The following SPAG16 variants were observed in gnomAD, a reference collection of about 807,000 sequenced individuals.
The protein encoded by SPAG16 is sperm-associated antigen 16 protein.
In SPAG16, 86 loss-of-function variants were observed where a neutral mutation model predicts 80.4. The observed-to-expected ratio is 1.07, with a 90% CI of 0.90 to 1.28. The LOEUF (loss-of-function observed/expected upper bound fraction) is 1.28. Ranked by LOEUF, SPAG16 falls within the 50% of genes most tolerant of loss-of-function variation. The pLI, the probability that SPAG16 is intolerant of heterozygous loss-of-function variation, is 0.00. For synonymous variants in SPAG16, 294 were observed against 265.9 expected, an observed-to-expected ratio of 1.11 and a Z score of -1.03; for missense variants, 870 against 765.3, an observed-to-expected ratio of 1.14 and a Z score of -1.61.
intron 6 of SPAG16, among the ~76,000 whole-genome samples, chr2:213,344,270 C>G (rs1374004285): frequency 6.6e-6 from 1 of 152,114 alleles, no homozygotes; most frequent in African/African-American, 2.4e-5. Flanking sequence ...AGTGCTTCCT[C>G]TACTGTCTGC....
chr2:213,769,012 G>T lies in SPAG16; in HGVS notation c.1071-93473G>T, dbSNP rs2069101870. 2.6e-5 allele frequency among the ~76,000 whole-genome samples: 4 copies of T among 152,062 alleles called. No individual in the cohort carries two copies. In the South Asian group the frequency reaches 8.3e-4, roughly 32 times the overall value. ...CCAGGAAAGAGATGGTTGGTTATGAGAAAGAATTAGTTGATGATATTATAA... is the reference window on the plus strand; with the variant it reads ...CCAGGAAAGAGATGGTTGGTTATGATAAAGAATTAGTTGATGATATTATAA... On this transcript the variant is annotated intron_variant, in intron 10 of 15. Transcript: ENST00000331683.
intron 10 of SPAG16, among the ~76,000 whole-genome samples, chr2:213,623,220 T>C (rs2061846683): frequency 6.6e-6 from 1 of 152,196 alleles, no homozygotes; most frequent in Non-Finnish European, 1.5e-5. Context: ...GCTGCTGGTA[T>C]TTAACACATA....
intron 9 of SPAG16, among the ~76,000 whole-genome samples, chr2:213,431,403 TA>T (rs527510290): frequency 3.0e-4 from 43 of 145,586 alleles, no homozygotes; most frequent in Non-Finnish European, 3.9e-4. Context: ...TGCTTACTGG[TA>T]AAAAAAAAAG....
intron 10 of SPAG16, among the ~76,000 whole-genome samples, chr2:213,601,771 G>A (rs1429139767): frequency 1.3e-5 from 2 of 152,156 alleles, no homozygotes; most frequent in African/African-American, 4.8e-5. Flanking sequence ...ATTGCCTATA[G>A]CATTCAGTAC....
At chr2:214,384,374 A>G (rs1194953269) in intron 15 of SPAG16, among the ~76,000 whole-genome samples, 2 of 152,214 alleles carry the variant, frequency 1.3e-5, no homozygotes, top group Non-Finnish European at 2.9e-5. Flanking sequence ...AATCCTGTGA[A>G]ACATGAGGTG....
chr2:213,669,498 T>C (rs1401590510), intron 10 of SPAG16, among the ~76,000 whole-genome samples: 1 of 152,230 alleles, frequency 6.6e-6, no homozygotes, highest in East Asian at 1.9e-4. Flanking sequence ...CAATGAATAG[T>C]TAAGCACAAA....
intron 3 of SPAG16, among the ~76,000 whole-genome samples, chr2:213,299,864 A>G (rs2062662244): frequency 6.6e-6 from 1 of 152,134 alleles, no homozygotes; most frequent in Non-Finnish European, 1.5e-5. Flanking sequence ...AATACAAGTA[A>G]AGGTAGGATT....
intron 10 of SPAG16, among the ~76,000 whole-genome samples, chr2:213,819,689 G>A (rs1438572317): frequency 2.6e-5 from 4 of 151,682 alleles, no homozygotes; most frequent in Non-Finnish European, 5.9e-5. Flanking sequence ...GGACATAGGC[G>A]TGCACCACCA....
chr2:213,630,651 A>T (rs1384929406), intron 10 of SPAG16, among the ~76,000 whole-genome samples: 1 of 152,352 alleles, frequency 6.6e-6, no homozygotes, highest in Middle Eastern at 3.4e-3. Flanking sequence ...CTGAGAATAT[A>T]TAGAAACATA....
chr2:213,978,588 A>G (rs1371151101), intron 12 of SPAG16, among the ~76,000 whole-genome samples: 1 of 152,170 alleles, frequency 6.6e-6, no homozygotes, highest in Non-Finnish European at 1.5e-5. Flanking sequence ...CAATTGCTGC[A>G]TAATAAATCA....
chr2:213,592,766 A>G (rs1407221178), intron 10 of SPAG16, among the ~76,000 whole-genome samples: 2 of 152,200 alleles, frequency 1.3e-5, no homozygotes, highest in Non-Finnish European at 2.9e-5. Flanking sequence ...CACAGAGCAC[A>G]TGCAATTTGA....
intron 9 of SPAG16, among the ~76,000 whole-genome samples, chr2:213,461,299 A>G (rs1193650470): frequency 6.6e-6 from 1 of 152,202 alleles, no homozygotes; most frequent in African/African-American, 2.4e-5. Flanking sequence ...ATAGGGTGTT[A>G]TATTTATTGG....
At chr2:213,808,758 TTAGA>T (rs1479455150) in intron 10 of SPAG16, among the ~76,000 whole-genome samples, 3 of 152,142 alleles carry the variant, frequency 2.0e-5, no homozygotes, top group Non-Finnish European at 4.4e-5. Flanking sequence ...TAAAGGAGAA[TTAGA>T]TAAGGAGAGT....
At chr2:213,949,179 T>TTTTTGTTTTTTTTTTTTTTTTTTTTG (rs1553677656) in intron 12 of SPAG16, among the ~76,000 whole-genome samples, 1 of 36,244 alleles carries the variant, frequency 2.8e-5, no homozygotes, top group Non-Finnish European at 5.5e-5. Context: ...GTTTTTTTTT[T>TTTTTGTTTTTTTTTTTTTTTTTTTTG]TTTTTTTTTT....
At chr2:214,170,443 A>G (rs2056835217) in intron 15 of SPAG16, among the ~76,000 whole-genome samples, 1 of 152,062 alleles carries the variant, frequency 6.6e-6, no homozygotes, top group Non-Finnish European at 1.5e-5. Flanking sequence ...AACCTCCTGA[A>G]GGTCATCATA....
chr2:214,012,172 G>A (rs2047312669), intron 12 of SPAG16, among the ~76,000 whole-genome samples: 1 of 144,394 alleles, frequency 6.9e-6, no homozygotes, highest in Non-Finnish European at 1.5e-5. Context: ...CTTGGTTCAA[G>A]CCACAGAGGA....
At chr2:214,092,575 A>G (rs16851450) in intron 13 of SPAG16, among the ~76,000 whole-genome samples, 14,145 of 151,428 alleles carry the variant, frequency 0.093, 826 homozygotes, top group East Asian at 0.28. Context: ...TAACAAATCA[A>G]ATTTTTTCCT....
intron 11 of SPAG16, among the ~76,000 whole-genome samples, chr2:213,889,690 CAT>C (rs1200378413): frequency 1.4e-5 from 2 of 147,038 alleles, no homozygotes; most frequent in Non-Finnish European, 1.5e-5. Flanking sequence ...TATACATATA[CAT>C]ATATATACAC....
chr2:213,700,832 G>A (rs2065378487), intron 10 of SPAG16, among the ~76,000 whole-genome samples: 1 of 152,156 alleles, frequency 6.6e-6, no homozygotes. Context: ...CTCTATCATT[G>A]TTTTTCTTTG....
Sources: gnomAD v4.1 joint callset for allele counts (sites outside exome capture counted in the v4.1 genomes callset) on GRCh38, gnomAD v4.1.1 for gene constraint, MANE v1.5 for transcripts, NCBI Gene and HGNC (gene_info 2026-07-23, HGNC 2026-07-21) for gene names.